The following TLN2 variants were observed in gnomAD, a reference collection of about 807,000 sequenced individuals.
TLN2 encodes the protein talin 2.
TLN2 carries 118 observed loss-of-function variants against 294.7 expected under a neutral mutation model. The ratio of observed to expected loss-of-function variants is 0.40; its 90% confidence interval spans 0.34 to 0.47. TLN2 has a LOEUF of 0.47. Among genes scored for constraint, TLN2 ranks in the 20% least tolerant of loss-of-function variants. The probability of loss-of-function intolerance (pLI) is 0.84; values close to 1 mark genes in which losing one functional copy is unlikely to be tolerated. For missense variants in TLN2, 3,083 were observed against 3,282.2 expected (o/e 0.94, Z 1.48); for synonymous variants, 1,431 against 1,304.5 (o/e 1.10, Z -2.09).
chr15:62,467,057 T>C (rs1357437306), intron 1 of TLN2, among the ~76,000 whole-genome samples: 1 of 152,156 alleles, frequency 6.6e-6, no homozygotes, highest in African/African-American at 2.4e-5. Flanking sequence ...TCCCTCGATA[T>C]AGAGATGTGT....
At chr15:62,636,577 T>A (rs1462520637) in intron 3 of TLN2, among the ~76,000 whole-genome samples, 1 of 152,234 alleles carries the variant, frequency 6.6e-6, no homozygotes, top group Admixed American at 6.5e-5. Flanking sequence ...CCTTTTTTTC[T>A]TCAAAATTGA....
chr15:62,515,771 C>T (rs1039458002), intron 1 of TLN2, among the ~76,000 whole-genome samples: 2 of 152,092 alleles, frequency 1.3e-5, no homozygotes, highest in Non-Finnish European at 2.9e-5. Flanking sequence ...TATCAGACTC[C>T]AGTGAATTCT....
At chr15:62,519,231 G>T (rs2040336190) in intron 1 of TLN2, among the ~76,000 whole-genome samples, 2 of 152,158 alleles carry the variant, frequency 1.3e-5, no homozygotes, top group Non-Finnish European at 2.9e-5. Flanking sequence ...TATATAAAAG[G>T]TAGACATTTC....
In TLN2 at chr15:62,752,535, T is replaced by C. The variant is rs890895207; in HGVS notation, c.4332+108T>C. 14 of 1,479,922 alleles carry C rather than the reference T, an allele frequency of 9.5e-6. No individual in the cohort carries two copies. In the African/African-American group the frequency reaches 1.4e-4, roughly 15 times the overall value. 91.7% of individuals were successfully genotyped at this position (1,479,922 alleles called of 1,614,324 possible). On this transcript the variant is annotated intron_variant, in intron 35 of 58. Coordinates refer to ENST00000636159, the MANE Select transcript of TLN2 (RefSeq NM_015059.3). ...TCTCCAAGTACCACCACAGAAACCA[T>C]GGGAAAGGCAGTGGCTTCTGTGCTG...
At chr15:62,782,552 A>G (rs1393698438) in intron 44 of TLN2, among the ~76,000 whole-genome samples, 1 of 152,232 alleles carries the variant, frequency 6.6e-6, no homozygotes, top group Non-Finnish European at 1.5e-5. Flanking sequence ...CTCAGGCTGC[A>G]TGGCCACTCC....
intron 38 of TLN2, 132 bp from the exon 39 acceptor site, chr15:62,762,140 T>C: frequency 2.7e-6 from 3 of 1,101,438 alleles, no homozygotes; most frequent in Non-Finnish European, 4.0e-6. Flanking sequence ...CCAGTCTTCA[T>C]GGTTCCCTGC....
intron 1 of TLN2, among the ~76,000 whole-genome samples, chr15:62,401,987 C>T (rs2033059506): frequency 6.6e-6 from 1 of 152,094 alleles, no homozygotes; most frequent in Non-Finnish European, 1.5e-5. Flanking sequence ...CACAGGACAG[C>T]CCCACACAAC....
intron 27 of TLN2, among the ~76,000 whole-genome samples, chr15:62,726,769 A>G (rs1001802104): frequency 2.6e-5 from 4 of 152,212 alleles, no homozygotes; most frequent in African/African-American, 7.2e-5. Context: ...GAGAGCCTAC[A>G]TTAATTCTCT....
chr15:62,477,890 T>TGGGGGGGATGGA (rs1230665103), intron 1 of TLN2, among the ~76,000 whole-genome samples: 2 of 3,380 alleles, frequency 5.9e-4, no homozygotes, highest in Non-Finnish European at 5.6e-4. Flanking sequence ...TGGCAGGTGG[T>TGGGGGGGATGGA]GGGGGGGATG....
At chr15:62,827,218 C>A (rs143543545) in intron 54 of TLN2, among the ~76,000 whole-genome samples, 4 of 152,160 alleles carry the variant, frequency 2.6e-5, no homozygotes, top group Admixed American at 2.0e-4. Flanking sequence ...GGAGGACATT[C>A]TCTTCCCCTG....
At chr15:62,720,580 A>C (rs932451468) in intron 25 of TLN2, among the ~76,000 whole-genome samples, 1 of 152,156 alleles carries the variant, frequency 6.6e-6, no homozygotes, top group Non-Finnish European at 1.5e-5. Flanking sequence ...TAACTCTAAC[A>C]TGCAGAAATA....
At chr15:62,674,372 C>T (rs1314208653) in intron 10 of TLN2, among the ~76,000 whole-genome samples, 1 of 152,170 alleles carries the variant, frequency 6.6e-6, no homozygotes, top group African/African-American at 2.4e-5. Context: ...ATCCAAGATA[C>T]CAAAGTCTAC....
intron 1 of TLN2, among the ~76,000 whole-genome samples, chr15:62,580,365 A>G (rs2044828419): frequency 6.6e-6 from 1 of 150,702 alleles, no homozygotes; most frequent in Non-Finnish European, 1.5e-5. Flanking sequence ...CCTAAAGACC[A>G]TAGTTTACCT....
intron 48 of TLN2, among the ~76,000 whole-genome samples, chr15:62,799,128 A>C (rs999381222): frequency 6.6e-6 from 1 of 152,198 alleles, no homozygotes; most frequent in Admixed American, 6.5e-5. Context: ...AGAGCCACGC[A>C]CACAGGCATG....
chr15:62,565,959 A>G (rs1445164784), intron 1 of TLN2, among the ~76,000 whole-genome samples: 1 of 150,692 alleles, frequency 6.6e-6, no homozygotes. Flanking sequence ...CTTAAGCCTC[A>G]GTTTCTGCAT....
In TLN2 at chr15:62,762,452, A is replaced by G; in HGVS notation, c.4960A>G (p.Arg1654Gly). Residue 1654 changes from arginine (R) to glycine (G), a missense_variant and splice_region_variant, in exon 39 of 59, where the codon AGG becomes GGG. Coordinates refer to ENST00000636159, the MANE Select transcript of TLN2 (RefSeq NM_015059.3). ...CATCAAGAGTCTCATCACTTCTATC[A>G]GGTCAGTTTCCCATCCGGAGGTTGC... is the stretch of plus-strand genomic sequence containing the variant. ...DSIKSLITSIRDKAPGQRECD... is the reference protein window; with the variant it reads ...DSIKSLITSIGDKAPGQRECD... 6.2e-7 allele frequency: 1 copy of G among 1,613,304 alleles called. No homozygotes were observed. Among genetic ancestry groups the G allele is most frequent in the Non-Finnish European group, 8.5e-7 (1 of 1,179,470 alleles).
At chr15:62,814,456 T>C (rs981789752) in intron 52 of TLN2, among the ~76,000 whole-genome samples, 8 of 151,554 alleles carry the variant, frequency 5.3e-5, no homozygotes, top group African/African-American at 1.9e-4. Context: ...GTTTATAGAA[T>C]GTTAAAGAGT....
intron 23 of TLN2, 142 bp downstream of exon 23, chr15:62,716,601 A>G: frequency 2.6e-6 from 3 of 1,168,466 alleles, no homozygotes; most frequent in South Asian, 2.3e-5. Flanking sequence ...TTTGAGTACT[A>G]TAAAAGCATT....
At chr15:62,529,617 T>C (rs1027695947) in intron 1 of TLN2, among the ~76,000 whole-genome samples, 8 of 144,504 alleles carry the variant, frequency 5.5e-5, no homozygotes, top group African/African-American at 1.8e-4. Flanking sequence ...GTAGGGAAAA[T>C]AATTATGACT....
Sources: gnomAD v4.1 joint callset for allele counts (sites outside exome capture counted in the v4.1 genomes callset) on GRCh38, gnomAD v4.1.1 for gene constraint, MANE v1.5 for transcripts, NCBI Gene and HGNC (gene_info 2026-07-23, HGNC 2026-07-21) for gene names.